Variants in BICC1 observed in about 807,000 individuals in gnomAD.
BICC1 encodes the protein protein bicaudal C homolog 1.
Under a neutral mutation model 111.0 loss-of-function variants are expected in BICC1, and 43 were observed. That is an observed-to-expected ratio of 0.39 (90% CI 0.30 to 0.50). BICC1 has a LOEUF of 0.50. Ranked by LOEUF, BICC1 falls within the 20% of genes least tolerant of loss-of-function variation. The pLI, the probability that BICC1 is intolerant of heterozygous loss-of-function variation, is 0.88. For synonymous variants in BICC1, 467 were observed against 434.4 expected (o/e 1.07, Z -0.93); for missense variants, 1,091 against 1,203.2 (o/e 0.91, Z 1.38).
intron 2 of BICC1, among the ~76,000 whole-genome samples, chr10:58,685,310 TAA>T (rs1018009761): frequency 6.6e-6 from 1 of 152,172 alleles, no homozygotes; most frequent in Admixed American, 6.5e-5. Context: ...AGTTTTGGAA[TAA>T]GTGTGATGTG....
At chr10:58,787,160 T>TC in intron 5 of BICC1, 79 bp downstream of exon 5, 1 of 1,336,596 alleles carries the variant, frequency 7.5e-7, no homozygotes, top group Non-Finnish European at 1.0e-6. Context: ...ATCTTTTTTT[T>TC]CTGAGAGGTG....
intron 3 of BICC1, among the ~76,000 whole-genome samples, chr10:58,737,625 G>T (rs1356674105): frequency 1.3e-5 from 2 of 152,140 alleles, no homozygotes; most frequent in Non-Finnish European, 2.9e-5. Context: ...GCAATGGGAT[G>T]GCTGGGTCAA....
At chr10:58,630,575 T>A (rs1428430011) in intron 2 of BICC1, among the ~76,000 whole-genome samples, 1 of 152,134 alleles carries the variant, frequency 6.6e-6, no homozygotes, top group Non-Finnish European at 1.5e-5. Context: ...ACTATTGACA[T>A]GCGCCACCAC....
intron 3 of BICC1, among the ~76,000 whole-genome samples, chr10:58,728,231 A>C (rs1841173844): frequency 6.6e-6 from 1 of 152,214 alleles, no homozygotes; most frequent in Admixed American, 6.5e-5. Flanking sequence ...TTCTTTTACA[A>C]TTGTCATCAA....
chr10:58,796,430 A>G lies in BICC1; in HGVS notation c.1270A>G (p.Ile424Val), dbSNP rs151162870. The G allele has an allele frequency of 1.4e-5, 22 of 1,613,992 alleles. 1 individual carries two copies. In the African/African-American group the frequency reaches 1.7e-4, roughly 13 times the overall value. ...LLGLESSGVTIATSPSPASCP... is the reference protein window; with the variant it reads ...LLGLESSGVTVATSPSPASCP... ...CGGACTTGAAAGCAGTGGGGTTACC[A>G]TAGCAACCAGTCCATCCCCAGCATC... Residue 424 changes from isoleucine to valine, a missense_variant, in exon 10 of 21, where the codon ATA (isoleucine) becomes GTA (valine). Transcript: ENST00000373886.
chr10:58,608,260 T>C (rs910574616), intron 1 of BICC1, among the ~76,000 whole-genome samples: 1 of 152,172 alleles, frequency 6.6e-6, no homozygotes, highest in Non-Finnish European at 1.5e-5. Flanking sequence ...AACACCTGTG[T>C]GAAGAGTGGG....
intron 3 of BICC1, among the ~76,000 whole-genome samples, chr10:58,731,598 G>C (rs1400776556): frequency 2.0e-5 from 3 of 152,204 alleles, no homozygotes; most frequent in African/African-American, 7.2e-5. Flanking sequence ...TTGACAGGCT[G>C]TGTAGGAAGC....
chr10:58,667,066 A>G (rs975559264), intron 2 of BICC1, among the ~76,000 whole-genome samples: 9 of 152,240 alleles, frequency 5.9e-5, no homozygotes, highest in African/African-American at 1.7e-4. Context: ...AAAAATTTCA[A>G]TTTAGTGCCA....
At chr10:58,672,443 A>T (rs962411721) in intron 2 of BICC1, among the ~76,000 whole-genome samples, 1 of 152,112 alleles carries the variant, frequency 6.6e-6, no homozygotes, top group African/African-American at 2.4e-5. Flanking sequence ...TCTCCCTGGC[A>T]TGTTTTGTGT....
intron 3 of BICC1, among the ~76,000 whole-genome samples, chr10:58,755,797 A>G (rs1415248420): frequency 6.6e-6 from 1 of 151,928 alleles, no homozygotes; most frequent in Non-Finnish European, 1.5e-5. Flanking sequence ...GATTCCACAG[A>G]GTTACAGCCG....
intron 2 of BICC1, among the ~76,000 whole-genome samples, chr10:58,676,126 C>T (rs745372585): frequency 2.2e-4 from 33 of 152,180 alleles, no homozygotes; most frequent in Non-Finnish European, 4.3e-4. Context: ...TCTTCACAAC[C>T]CGCAGACCAG....
At position 58,525,184 on chromosome 10, in the gene BICC1, C is replaced by T. The variant is rs568534737; in HGVS notation, c.190+11851C>T. 7.9e-4 allele frequency among the ~76,000 whole-genome samples: 107 copies of T among 135,688 alleles called. 1 individual carries two copies. Among genetic ancestry groups the T allele is most frequent in the African/African-American group, 2.7e-3 (106 of 39,178 alleles). 89.0% of individuals were successfully genotyped at this position (135,688 alleles called of 152,430 possible). On this transcript the variant is annotated intron_variant, in intron 1 of 20. Transcript: ENST00000373886. ...CCTCAGGGATCTAGAACTAGAAATA[C>T]CATTTGACCCAGCAATCCCATTACT...
intron 1 of BICC1, among the ~76,000 whole-genome samples, chr10:58,608,208 C>T (rs2132096656): frequency 6.6e-6 from 1 of 152,216 alleles, no homozygotes; most frequent in East Asian, 1.9e-4. Flanking sequence ...AAACTACTCC[C>T]CACCTCTCCT....
intron 1 of BICC1, among the ~76,000 whole-genome samples, chr10:58,585,695 T>G (rs1844408898): frequency 6.6e-6 from 1 of 152,164 alleles, no homozygotes; most frequent in African/African-American, 2.4e-5. Context: ...GTGCTTTATG[T>G]TTTTTAGTGG....
chr10:58,543,397 T>C (rs1843048392), intron 1 of BICC1, among the ~76,000 whole-genome samples: 1 of 152,096 alleles, frequency 6.6e-6, no homozygotes, highest in Non-Finnish European at 1.5e-5. Context: ...TTATAGAGTT[T>C]TGGTTTTGCA....
At chr10:58,717,605 A>G (rs985719025) in intron 3 of BICC1, among the ~76,000 whole-genome samples, 1 of 152,242 alleles carries the variant, frequency 6.6e-6, no homozygotes, top group African/African-American at 2.4e-5. Flanking sequence ...GCTGCATGAA[A>G]TACCATTGCA....
intron 3 of BICC1, among the ~76,000 whole-genome samples, chr10:58,741,651 C>T (rs534816689): frequency 6.6e-5 from 10 of 152,122 alleles, no homozygotes; most frequent in African/African-American, 9.7e-5. Context: ...GGTCTTATAT[C>T]TTTGCATTAC....
intron 17 of BICC1, among the ~76,000 whole-genome samples, chr10:58,809,365 A>G (rs917560913): frequency 1.3e-5 from 2 of 151,572 alleles, no homozygotes; most frequent in Non-Finnish European, 2.9e-5. Context: ...ATTTTAATCT[A>G]TATACTTATT....
intron 3 of BICC1, among the ~76,000 whole-genome samples, chr10:58,726,720 T>G (rs1034034323): frequency 6.6e-6 from 1 of 152,228 alleles, no homozygotes; most frequent in African/African-American, 2.4e-5. Context: ...GTGTTTTATT[T>G]GGGAGTGACT....
Sources: allele counts gnomAD v4.1 joint callset (sites outside exome capture counted in the v4.1 genomes callset), GRCh38; gene constraint gnomAD v4.1.1; transcripts MANE v1.5; gene names NCBI Gene and HGNC (gene_info 2026-07-23, HGNC 2026-07-21).